The following ANXA4 variants were observed in gnomAD, a reference collection of about 807,000 sequenced individuals.
ANXA4 encodes 35-beta calcimedin.
Under a neutral mutation model 49.8 loss-of-function variants are expected in ANXA4, and 39 were observed. That is an observed-to-expected ratio of 0.78 (90% CI 0.61 to 1.02). ANXA4 has a LOEUF of 1.02. Ranked by LOEUF, ANXA4 falls within the 50% of genes least tolerant of loss-of-function variation. The pLI is 0.00. For synonymous variants in ANXA4, 134 were observed against 152.5 expected, an observed-to-expected ratio of 0.88 and a Z score of 0.89; for missense variants, 360 against 410.1, an observed-to-expected ratio of 0.88 and a Z score of 1.05.
At chr2:69,722,408 GTA>G (rs1422168036) in intron 3 of ANXA4, among the ~76,000 whole-genome samples, 1 of 152,218 alleles carries the variant, frequency 6.6e-6, no homozygotes, top group African/African-American at 2.4e-5. Context: ...AATATGGTAT[GTA>G]TATTCAATGG....
chr2:69,822,883 T>C (rs899333647), intron 12 of ANXA4, among the ~76,000 whole-genome samples: 1 of 152,028 alleles, frequency 6.6e-6, no homozygotes, highest in Non-Finnish European at 1.5e-5. Context: ...CTAGTGCCAC[T>C]TGAAAATGGT....
chr2:69,654,334 G>A (rs999801191), intron 2 of ANXA4, among the ~76,000 whole-genome samples: 4 of 152,276 alleles, frequency 2.6e-5, no homozygotes, highest in Admixed American at 6.5e-5. Flanking sequence ...GAATAGGAGC[G>A]GTGAGAGAGG....
At chr2:69,744,244 C>T (rs375812314) in intron 1 of ANXA4, among the ~76,000 whole-genome samples, 139 of 152,242 alleles carry the variant, frequency 9.1e-4, no homozygotes, top group African/African-American at 3.2e-3. Flanking sequence ...GAGTTCAAGG[C>T]TGCAGTGAGT....
chr2:69,793,008 C>A (rs1362740025), intron 3 of ANXA4, among the ~76,000 whole-genome samples: 1 of 151,218 alleles, frequency 6.6e-6, no homozygotes, highest in Non-Finnish European at 1.5e-5. Flanking sequence ...AATCCCAGCA[C>A]TTTGGGAGGC....
At chr2:69,796,861 T>A (rs1558509206) in intron 3 of ANXA4, among the ~76,000 whole-genome samples, 1 of 152,136 alleles carries the variant, frequency 6.6e-6, no homozygotes, top group Non-Finnish European at 1.5e-5. Flanking sequence ...CAGACCCGCC[T>A]GATATGATTG....
At chr2:69,797,298 C>T (rs1672986045) in intron 3 of ANXA4, among the ~76,000 whole-genome samples, 1 of 152,074 alleles carries the variant, frequency 6.6e-6, no homozygotes, top group African/African-American at 2.4e-5. Flanking sequence ...CTCCTTGGTC[C>T]CCGGGTCCCA....
At chr2:69,709,805 T>C (rs1678619308) in intron 2 of ANXA4, among the ~76,000 whole-genome samples, 1 of 152,144 alleles carries the variant, frequency 6.6e-6, no homozygotes, top group Non-Finnish European at 1.5e-5. Context: ...CCAGGTGTGC[T>C]TGTAAGGGAA....
chr2:69,748,256 G>A (rs187389639), intron 1 of ANXA4, among the ~76,000 whole-genome samples: 49 of 151,974 alleles, frequency 3.2e-4, no homozygotes, highest in East Asian at 5.8e-4. Context: ...GCGGGTGCCC[G>A]TAGGCCCAGC....
intron 1 of ANXA4, among the ~76,000 whole-genome samples, chr2:69,753,854 A>T (rs1034111259): frequency 6.6e-6 from 1 of 152,186 alleles, no homozygotes; most frequent in Non-Finnish European, 1.5e-5. Flanking sequence ...ATTATTGCTG[A>T]TTCTTGCAAA....
intron 2 of ANXA4, among the ~76,000 whole-genome samples, chr2:69,669,678 A>G (rs1677087481): frequency 2.6e-5 from 4 of 152,062 alleles, no homozygotes; most frequent in South Asian, 2.1e-4. Context: ...AAGAGTGTCC[A>G]TGTACCTTCT....
At chr2:69,696,073 G>A (rs1426971271) in intron 2 of ANXA4, among the ~76,000 whole-genome samples, 3 of 152,092 alleles carry the variant, frequency 2.0e-5, no homozygotes, top group African/African-American at 4.8e-5. Flanking sequence ...GAAATTTGCC[G>A]CATTTATTGA....
At chr2:69,817,911 ACGTGTTT>A (rs1195469411) in intron 9 of ANXA4, 1 of 152,182 alleles carries the variant, frequency 6.6e-6, no homozygotes, top group Non-Finnish European at 1.5e-5. Flanking sequence ...TCAACTGCTC[ACGTGTTT>A]GACAGAGGTT....
At chr2:69,659,621 T>C (rs1676635682) in intron 2 of ANXA4, among the ~76,000 whole-genome samples, 1 of 152,112 alleles carries the variant, frequency 6.6e-6, no homozygotes, top group Non-Finnish European at 1.5e-5. Context: ...AAGAATCATG[T>C]ATAAAAATCA....
chr2:69,683,642 C>T (rs1240948710), intron 2 of ANXA4, among the ~76,000 whole-genome samples: 3 of 152,164 alleles, frequency 2.0e-5, no homozygotes, highest in Non-Finnish European at 4.4e-5. Context: ...GACTGTTTTT[C>T]AGTCTGTCCC....
At chr2:69,760,826 A>T (rs1417239044) in intron 1 of ANXA4, among the ~76,000 whole-genome samples, 1 of 152,154 alleles carries the variant, frequency 6.6e-6, no homozygotes, top group Non-Finnish European at 1.5e-5. Flanking sequence ...TATAACAATT[A>T]TTATCAAATA....
chr2:69,672,196 GA>G (rs1287599688), intron 2 of ANXA4, among the ~76,000 whole-genome samples: 2 of 152,016 alleles, frequency 1.3e-5, no homozygotes, highest in Non-Finnish European at 2.9e-5. Flanking sequence ...ACTACTGAGT[GA>G]AAAAAATTAT....
intron 3 of ANXA4, among the ~76,000 whole-genome samples, chr2:69,795,169 C>A (rs886612956): frequency 1.3e-5 from 2 of 152,156 alleles, no homozygotes; most frequent in Non-Finnish European, 2.9e-5. Context: ...TACTGCAAGA[C>A]CCTGACCTGA....
At chr2:69,670,459 A>T (rs867509458) in intron 2 of ANXA4, among the ~76,000 whole-genome samples, 1 of 150,326 alleles carries the variant, frequency 6.7e-6, no homozygotes, top group South Asian at 2.1e-4. Context: ...AAAAAAAAAA[A>T]GACAAATGAG....
intron 8 of ANXA4, among the ~76,000 whole-genome samples, chr2:69,813,658 G>C (rs1390397499): frequency 1.3e-5 from 2 of 151,964 alleles, no homozygotes. Flanking sequence ...GGCTCAGAGA[G>C]GTCAAGTACC....
Sources: allele counts gnomAD v4.1 joint callset (sites outside exome capture counted in the v4.1 genomes callset), GRCh38; gene constraint gnomAD v4.1.1; transcripts MANE v1.5; gene names NCBI Gene and HGNC (gene_info 2026-07-23, HGNC 2026-07-21).